CTBP2: variants seen among roughly 807,000 people sequenced by gnomAD.
The protein encoded by CTBP2 is C-terminal binding protein 2, also known as C-terminal-binding protein 2.
In CTBP2, 30 loss-of-function variants were observed where a neutral mutation model predicts 80.3. The observed-to-expected ratio is 0.37, with a 90% CI of 0.28 to 0.51. The LOEUF is 0.51. Among genes scored for constraint, CTBP2 ranks in the 20% least tolerant of loss-of-function variants. The pLI, the probability that CTBP2 is intolerant of heterozygous loss-of-function variation, is 0.93. For synonymous variants in CTBP2, 594 were observed against 587.4 expected (o/e 1.01, Z -0.16); for missense variants, 1,212 against 1,375.3 (o/e 0.88, Z 1.88).
intron 2 of CTBP2, among the ~76,000 whole-genome samples, chr10:125,100,082 A>G (rs1456983414): frequency 2.0e-5 from 3 of 152,258 alleles, no homozygotes; most frequent in Non-Finnish European, 4.4e-5. Flanking sequence ...TGTTAACGGC[A>G]TGCACAGATG....
intron 2 of CTBP2, among the ~76,000 whole-genome samples, chr10:125,097,943 A>G (rs535585302): frequency 6.6e-6 from 1 of 152,284 alleles, no homozygotes. Context: ...CAGCCTGGCC[A>G]ACATGGTGAA....
At chr10:125,092,780 T>C (rs17152631) in intron 2 of CTBP2, among the ~76,000 whole-genome samples, 8,509 of 152,300 alleles carry the variant, frequency 0.056, 485 homozygotes, top group East Asian at 0.26. Flanking sequence ...ACGTACCCAA[T>C]GTGGGCACTG....
intron 1 of CTBP2, among the ~76,000 whole-genome samples, chr10:125,119,903 G>A (rs898139161): frequency 2.0e-5 from 3 of 152,188 alleles, no homozygotes; most frequent in African/African-American, 4.8e-5. Context: ...GCAGGTTTTC[G>A]GGCCACACCA....
intron 1 of CTBP2, among the ~76,000 whole-genome samples, chr10:125,017,703 A>G (rs1368749236): frequency 6.6e-6 from 1 of 152,244 alleles, no homozygotes; most frequent in African/African-American, 2.4e-5. Flanking sequence ...AGCATGATCC[A>G]GGGCAAGGAG....
chr10:125,111,501 G>A (rs1353112170), intron 1 of CTBP2, among the ~76,000 whole-genome samples: 2 of 152,166 alleles, frequency 1.3e-5, no homozygotes, highest in South Asian at 2.1e-4. Flanking sequence ...ATGAGCCCAC[G>A]GTTTATAAGT....
At chr10:125,105,059 G>A (rs535793206) in intron 2 of CTBP2, among the ~76,000 whole-genome samples, 1 of 152,112 alleles carries the variant, frequency 6.6e-6, no homozygotes, top group East Asian at 1.9e-4. Flanking sequence ...TAAGTAGAGG[G>A]GTGTGATCAC....
intron 2 of CTBP2, among the ~76,000 whole-genome samples, chr10:125,079,333 C>T (rs908580332): frequency 6.6e-6 from 1 of 152,126 alleles, no homozygotes; most frequent in South Asian, 2.1e-4. Context: ...GTCCACGGTT[C>T]CCAGCGGTGG....
upstream of CTBP2, among the ~76,000 whole-genome samples, chr10:125,030,170 C>A (rs1459600824): frequency 1.3e-5 from 2 of 149,616 alleles, no homozygotes; most frequent in South Asian, 4.2e-4. Flanking sequence ...ACACACACAC[C>A]ACACTCCAGT....
intron 1 of CTBP2, among the ~76,000 whole-genome samples, chr10:125,117,036 G>A (rs915994480): frequency 6.6e-5 from 10 of 152,140 alleles, no homozygotes; most frequent in African/African-American, 1.7e-4. Context: ...TACCACAGTG[G>A]CTCCTGGTTC....
In CTBP2 at chr10:124,994,813, C is replaced by G. The variant is rs1953241118; in HGVS notation, c.2186-130G>C. ...TAGCTGCTGCCAGAGAAACCGTGTG[C>G]CCAAAGCTTAGTGAGGCCTGAGGCG... On this transcript the variant is annotated intron_variant, in intron 4 of 8. Transcript: ENST00000309035. 6 of 954,528 alleles carry G rather than the reference C, an allele frequency of 6.3e-6. No homozygotes were observed. The South Asian group carries it at 9.3e-5, about 15-fold the overall frequency. 59.1% of individuals were successfully genotyped at this position (954,528 alleles called of 1,614,324 possible).
intron 2 of CTBP2, among the ~76,000 whole-genome samples, chr10:125,090,320 T>C (rs1340033754): frequency 7.2e-6 from 1 of 139,410 alleles, no homozygotes; most frequent in South Asian, 2.1e-4. Flanking sequence ...GGGATGGGAT[T>C]TGGCTGAAAC....
In CTBP2 at chr10:124,998,049, C is replaced by T. The variant is rs747716967; in HGVS notation, c.2100G>A (p.Thr700=). Reference sequence around the variant, plus strand: ...GGATCTGCTCCACGCTCTGAACCCGCGTGCCTTCCCGCAGTGCCTGGTACA... The same window carrying T: ...GGATCTGCTCCACGCTCTGAACCCGTGTGCCTTCCCGCAGTGCCTGGTACA... The change falls in exon 4 of 9, where the codon ACG becomes ACA. Residue 700 remains threonine, a synonymous_variant. Transcript: ENST00000309035. 169 of 1,613,186 alleles carry T rather than the reference C, an allele frequency of 1.0e-4. No homozygotes were observed. The highest frequency in any genetic ancestry group is 1.3e-4 in the Non-Finnish European group (158 of 1,179,968).
intron 2 of CTBP2, among the ~76,000 whole-genome samples, chr10:125,079,105 C>T (rs1162774102): frequency 2.7e-5 from 4 of 146,150 alleles, no homozygotes. Flanking sequence ...CAAGATCATG[C>T]CACTGCACTC....
chr10:125,009,897 T>G (rs1328067739), intron 1 of CTBP2, among the ~76,000 whole-genome samples: 1 of 152,182 alleles, frequency 6.6e-6, no homozygotes, highest in Non-Finnish European at 1.5e-5. Flanking sequence ...TCCCTTGCTT[T>G]GTAAACATGT....
intron 2 of CTBP2, among the ~76,000 whole-genome samples, chr10:125,073,755 T>C (rs978862163): frequency 4.6e-5 from 7 of 152,168 alleles, no homozygotes; most frequent in Non-Finnish European, 8.8e-5. Context: ...CATAGTGAAG[T>C]TCACCAGGAC....
intron 1 of CTBP2, chr10:125,005,861 G>A: frequency 1.3e-6 from 2 of 1,567,824 alleles, no homozygotes; most frequent in Non-Finnish European, 1.7e-6. Context: ...TCACTTTCAG[G>A]GGTGCTGGCA....
rs527540853 is a variant in CTBP2, at chr10:125,063,129, T to C, written c.-101-23974A>G. Among the ~76,000 whole-genome samples the C allele has an allele frequency of 2.0e-5, 3 of 152,334 alleles. No individual in the cohort carries two copies. In the South Asian group the frequency reaches 6.2e-4, roughly 32 times the overall value. On this transcript the variant is annotated intron_variant, in intron 2 of 10. Transcript: ENST00000337195. The stretch of plus-strand genomic sequence containing the variant: ...GAGCTGGACCTCAGCCGCAACTGTG[T>C]GCTGTGCTAAATGGCCATCATTGGT...
chr10:125,005,710 C>A (rs753863480), intron 1 of CTBP2: 2 of 1,612,926 alleles, frequency 1.2e-6, no homozygotes, highest in Admixed American at 3.3e-5. Context: ...GGTACAACTG[C>A]CAAATTCCAC....
intron 1 of CTBP2, among the ~76,000 whole-genome samples, chr10:125,020,388 G>A (rs1421692959): frequency 1.3e-5 from 2 of 152,190 alleles, no homozygotes; most frequent in Non-Finnish European, 2.9e-5. Context: ...CTGGAAAGCA[G>A]AGGGTCCGCT....
Sources: allele counts gnomAD v4.1 joint callset (sites outside exome capture counted in the v4.1 genomes callset), GRCh38; gene constraint gnomAD v4.1.1; transcripts MANE v1.5; gene names NCBI Gene and HGNC (gene_info 2026-07-23, HGNC 2026-07-21).